The following CEP112 variants were observed in gnomAD, a reference collection of about 807,000 sequenced individuals.
CEP112 encodes the protein centrosomal protein 112.
Under a neutral mutation model 153.0 loss-of-function variants are expected in CEP112, and 127 were observed. The observed-to-expected ratio is 0.83, with a 90% CI of 0.72 to 0.96. CEP112 has a LOEUF of 0.96. Ranked by LOEUF, CEP112 falls within the 40% of genes least tolerant of loss-of-function variation. CEP112 has a pLI of 0.00. For missense variants in CEP112, 1,089 were observed against 1,101.2 expected (o/e 0.99, Z 0.16); for synonymous variants, 358 against 374.4 (o/e 0.96, Z 0.51).
intron 21 of CEP112, among the ~76,000 whole-genome samples, chr17:65,770,317 G>GAACA (rs994438536): frequency 2.0e-4 from 31 of 151,858 alleles, no homozygotes; most frequent in African/African-American, 7.5e-4. Context: ...AAAAGTCAGA[G>GAACA]AACAATACAA....
chr17:65,810,427 T>G (rs1019930288), intron 21 of CEP112, among the ~76,000 whole-genome samples: 4 of 152,150 alleles, frequency 2.6e-5, no homozygotes, highest in African/African-American at 9.7e-5. Flanking sequence ...GAGCTCTTCA[T>G]ATCCTGTCTC....
chr17:66,025,920 T>TATACACACACACAC (rs1555773330), intron 16 of CEP112, among the ~76,000 whole-genome samples: 1 of 124,520 alleles, frequency 8.0e-6, no homozygotes, highest in African/African-American at 3.0e-5. Context: ...AAATGTGGCA[T>TATACACACACACAC]ACACACACAC....
chr17:66,182,221 T>C (rs1175269964), intron 2 of CEP112: 1 of 152,248 alleles, frequency 6.6e-6, no homozygotes, highest in African/African-American at 2.4e-5. Flanking sequence ...CATTATATTG[T>C]TATAATTGTT....
At chr17:65,896,287 T>C (rs2059656793) in intron 20 of CEP112, among the ~76,000 whole-genome samples, 1 of 152,060 alleles carries the variant, frequency 6.6e-6, no homozygotes, top group African/African-American at 2.4e-5. Context: ...TATTTTTTGC[T>C]TTTTAAACAA....
intron 17 of CEP112, among the ~76,000 whole-genome samples, chr17:65,996,916 T>C (rs2063811977): frequency 6.6e-6 from 1 of 152,086 alleles, no homozygotes; most frequent in Non-Finnish European, 1.5e-5. Context: ...TTCTTTTCAT[T>C]AAAAAATCCT....
chr17:65,751,545 C>T (rs1411229250), intron 21 of CEP112, among the ~76,000 whole-genome samples: 1 of 152,142 alleles, frequency 6.6e-6, no homozygotes, highest in African/African-American at 2.4e-5. Flanking sequence ...GGTCATTACT[C>T]TCATGATTTC....
Position 65,951,745 on chromosome 17 carries a change from C to CA in CEP112, c.1872+9717_1872+9718insT, listed in dbSNP as rs1329028549. Among the ~76,000 whole-genome samples, 17 of 95,108 alleles carry CA rather than the reference C, an allele frequency of 1.8e-4. 1 individual carries two copies. The highest frequency in any genetic ancestry group is 1.6e-3 in the South Asian group (3 of 1,844). 62.4% of individuals were successfully genotyped at this position (95,108 alleles called of 152,430 possible). A position where few individuals can be genotyped will look rare whatever the true frequency, so the allele number is the denominator to read the frequency against. ...GCTTTCTGCTCTAATCTTCCCCCGC[C>CA]CCCCCCTTTCTTCCACTTGCTTAGA... On this transcript the variant is annotated intron_variant, in intron 18 of 26. Transcript: ENST00000535342.
chr17:66,072,596 G>A (rs2067343829), intron 8 of CEP112, among the ~76,000 whole-genome samples: 1 of 152,152 alleles, frequency 6.6e-6, no homozygotes, highest in Non-Finnish European at 1.5e-5. Context: ...GTGATACTGT[G>A]TCCTTTTTCA....
chr17:65,999,031 A>G (rs2063907927), intron 17 of CEP112, among the ~76,000 whole-genome samples: 1 of 152,154 alleles, frequency 6.6e-6, no homozygotes, highest in African/African-American at 2.4e-5. Flanking sequence ...CGTTTGTTAT[A>G]TTTTAATTAC....
At chr17:65,912,325 C>T (rs1447761141) in intron 19 of CEP112, among the ~76,000 whole-genome samples, 1 of 152,134 alleles carries the variant, frequency 6.6e-6, no homozygotes, top group Non-Finnish European at 1.5e-5. Context: ...CCATGTAGTG[C>T]CTGCCATTCT....
chr17:65,819,272 A>G (rs981133188), intron 21 of CEP112, among the ~76,000 whole-genome samples: 13 of 151,840 alleles, frequency 8.6e-5, no homozygotes, highest in African/African-American at 3.1e-4. Flanking sequence ...GTGATTCCTT[A>G]CTTTAAAAGA....
intron 4 of CEP112, among the ~76,000 whole-genome samples, chr17:66,135,189 T>C (rs953246510): frequency 6.6e-6 from 1 of 152,178 alleles, no homozygotes; most frequent in African/African-American, 2.4e-5. Flanking sequence ...TGGAGAGGCA[T>C]TGCAGAAGCC....
At chr17:66,153,489 T>C (rs1285680970) in intron 4 of CEP112, among the ~76,000 whole-genome samples, 1 of 137,602 alleles carries the variant, frequency 7.3e-6, no homozygotes, top group Non-Finnish European at 1.6e-5. Flanking sequence ...AAAAAAAAGA[T>C]AATTGCTTGC....
At chr17:65,698,820 T>TGAG (rs1402595379) in intron 23 of CEP112, among the ~76,000 whole-genome samples, 5 of 152,190 alleles carry the variant, frequency 3.3e-5, no homozygotes, top group African/African-American at 1.2e-4. Flanking sequence ...CACTCAAACT[T>TGAG]GAGTTCAGTC....
chr17:66,071,041 G>A (rs1245461907), intron 8 of CEP112, among the ~76,000 whole-genome samples: 1 of 151,842 alleles, frequency 6.6e-6, no homozygotes, highest in Admixed American at 6.6e-5. Context: ...ACCACATTTA[G>A]GAAAAACATT....
At chr17:65,648,660 A>G (rs1232576555) in intron 24 of CEP112, among the ~76,000 whole-genome samples, 1 of 152,248 alleles carries the variant, frequency 6.6e-6, no homozygotes, top group Non-Finnish European at 1.5e-5. Flanking sequence ...ATAAAAATTC[A>G]AAGTGACATT....
At chr17:66,036,582 C>T (rs1047542339) in intron 12 of CEP112, among the ~76,000 whole-genome samples, 2 of 152,076 alleles carry the variant, frequency 1.3e-5, no homozygotes, top group African/African-American at 2.4e-5. Flanking sequence ...TTTCTCTTTC[C>T]CGCAAAACTA....
intron 22 of CEP112, among the ~76,000 whole-genome samples, chr17:65,749,871 A>AG (rs1567958543): frequency 7.5e-5 from 11 of 147,390 alleles, no homozygotes; most frequent in Non-Finnish European, 1.5e-4. Context: ...TATATATATA[A>AG]AAATATGAAG....
intron 18 of CEP112, among the ~76,000 whole-genome samples, chr17:65,930,738 T>G (rs1895007): frequency 0.48 from 72,462 of 151,728 alleles, 18,253 homozygotes; most frequent in East Asian, 0.89. Context: ...CAAGTGAGAT[T>G]CTCCTTAATC....
Sources: gnomAD v4.1 joint callset for allele counts (sites outside exome capture counted in the v4.1 genomes callset) on GRCh38, gnomAD v4.1.1 for gene constraint, MANE v1.5 for transcripts, NCBI Gene and HGNC (gene_info 2026-07-23, HGNC 2026-07-21) for gene names.